Variants in FMN1 observed in about 807,000 individuals in gnomAD.
The protein encoded by FMN1 is formin-1.
In FMN1, 110 loss-of-function variants were observed where a neutral mutation model predicts 132.4. That is an observed-to-expected ratio of 0.83 (90% confidence interval 0.71 to 0.97). FMN1 has a LOEUF of 0.97. FMN1 is among the 50% of genes least tolerant of loss of function. FMN1 has a pLI of 0.00. For synonymous variants in FMN1, 722 were observed against 651.7 expected, an observed-to-expected ratio of 1.11 and a Z score of -1.64; for missense variants, 1,792 against 1,705.3, an observed-to-expected ratio of 1.05 and a Z score of -0.90.
Position 33,153,997 on chromosome 15 carries a change from T to C in FMN1, c.918A>G (p.Pro306=), listed in dbSNP as rs1964560421. 1.3e-6 allele frequency: 2 copies of C among 1,536,698 alleles called. No individual in the cohort carries two copies. Among genetic ancestry groups the C allele is most frequent in the Middle Eastern group, 1.7e-4 (1 of 5,994 alleles). The part of the protein sequence containing the change: ...SESHQDPEKH[P]EAEKDEMEKP... Reference sequence around the variant, plus strand: ...TCTCCATCTCATCCTTTTCTGCCTCTGGATGCTTCTCAGGGTCCTGGTGAC... The same window carrying C: ...TCTCCATCTCATCCTTTTCTGCCTCCGGATGCTTCTCAGGGTCCTGGTGAC... Residue 306 remains proline (P), a synonymous_variant, in exon 4 of 21, where the codon CCA becomes CCG. Coordinates refer to ENST00000616417, the MANE Select transcript of FMN1 (RefSeq NM_001277313.2).
chr15:32,838,439 G>T (rs2058674756), intron 17 of FMN1, among the ~76,000 whole-genome samples: 1 of 150,616 alleles, frequency 6.6e-6, no homozygotes, highest in African/African-American at 2.4e-5. Context: ...GGACCCTCTT[G>T]GCATTCTGGA....
At chr15:33,035,902 T>C (rs1411919901) in intron 6 of FMN1, among the ~76,000 whole-genome samples, 3 of 152,128 alleles carry the variant, frequency 2.0e-5, no homozygotes, top group East Asian at 3.9e-4. Flanking sequence ...GATTAATGGG[T>C]TAGTGGGTTA....
At chr15:32,891,151 A>C (rs2060018415) in intron 15 of FMN1, among the ~76,000 whole-genome samples, 1 of 152,164 alleles carries the variant, frequency 6.6e-6, no homozygotes, top group Non-Finnish European at 1.5e-5. Context: ...ATGGCCTTAT[A>C]GTATAGTTTG....
At chr15:32,918,107 T>TAAAAAAA (rs914678090) in intron 10 of FMN1, among the ~76,000 whole-genome samples, 1 of 149,264 alleles carries the variant, frequency 6.7e-6, no homozygotes. Context: ...AGAATTTCTT[T>TAAAAAAA]AAAAAAAAAA....
At chr15:33,051,645 A>C (rs1033333615) in intron 6 of FMN1, among the ~76,000 whole-genome samples, 1 of 152,228 alleles carries the variant, frequency 6.6e-6, no homozygotes, top group Non-Finnish European at 1.5e-5. Flanking sequence ...GCAAAACAGC[A>C]GAGTTTTTAG....
chr15:32,839,550 TTAA>T (rs2058700460), intron 17 of FMN1, among the ~76,000 whole-genome samples: 2 of 152,230 alleles, frequency 1.3e-5, no homozygotes, highest in South Asian at 2.1e-4. Context: ...CTTATGGTTG[TTAA>T]TGATGATAAG....
intron 15 of FMN1, among the ~76,000 whole-genome samples, chr15:32,894,186 A>G (rs9920451): frequency 0.23 from 34,692 of 152,088 alleles, 4,210 homozygotes; most frequent in Non-Finnish European, 0.26. Context: ...TATTACAGGC[A>G]GTAAAAAAGA....
At chr15:32,924,855 G>A (rs1016935057) in intron 10 of FMN1, among the ~76,000 whole-genome samples, 8 of 152,026 alleles carry the variant, frequency 5.3e-5, no homozygotes, top group South Asian at 2.1e-4. Context: ...CAGAGGTTGC[G>A]GTGAGCCGAG....
intron 6 of FMN1, among the ~76,000 whole-genome samples, chr15:33,039,504 G>A (rs746277559): frequency 6.6e-5 from 10 of 152,142 alleles, no homozygotes; most frequent in African/African-American, 1.9e-4. Context: ...TTTATGAAAC[G>A]TTCTGCTGGA....
chr15:32,987,447 C>T (rs1015276845), intron 7 of FMN1, among the ~76,000 whole-genome samples: 4 of 152,112 alleles, frequency 2.6e-5, no homozygotes, highest in African/African-American at 9.7e-5. Context: ...GGAATTTCAA[C>T]GTTAGACCAT....
intron 10 of FMN1, among the ~76,000 whole-genome samples, chr15:32,911,778 A>C (rs754835830): frequency 5.3e-5 from 8 of 152,200 alleles, no homozygotes; most frequent in Non-Finnish European, 1.0e-4. Context: ...GAGTCAAAGT[A>C]AGTCACCTCA....
In FMN1 at chr15:32,805,857, T is replaced by C. The variant is rs912769578; in HGVS notation, c.3929-1525A>G. 6.2e-5 allele frequency among the ~76,000 whole-genome samples: 9 copies of C among 144,864 alleles called. 1 individual carries two copies. Among genetic ancestry groups the C allele is most frequent in the South Asian group, 4.1e-4 (2 of 4,830 alleles). On this transcript the variant is annotated intron_variant, in intron 17 of 20. Coordinates refer to ENST00000616417, the MANE Select transcript of FMN1 (RefSeq NM_001277313.2). Reference sequence around the variant, plus strand: ...GCAGTCTAGGGAAGCCCATGGACTCTTGTCAGAATAATGTTTTCATAAGGT... The same window carrying C: ...GCAGTCTAGGGAAGCCCATGGACTCCTGTCAGAATAATGTTTTCATAAGGT...
chr15:32,970,507 A>G (rs1326507933), intron 7 of FMN1, among the ~76,000 whole-genome samples: 1 of 152,306 alleles, frequency 6.6e-6, no homozygotes, highest in East Asian at 1.9e-4. Flanking sequence ...GATGGATAAA[A>G]ATCACTGGGA....
chr15:33,046,088 G>A (rs1468144843), intron 6 of FMN1, among the ~76,000 whole-genome samples: 1 of 151,974 alleles, frequency 6.6e-6, no homozygotes, highest in Admixed American at 6.6e-5. Flanking sequence ...TATATAAAAT[G>A]TATATTATAT....
At chr15:33,137,199 G>A (rs570870613) in intron 4 of FMN1, among the ~76,000 whole-genome samples, 187 of 150,758 alleles carry the variant, frequency 1.2e-3, no homozygotes, top group Non-Finnish European at 2.2e-3. Flanking sequence ...AAGCAATGAA[G>A]TGTGTACCCA....
chr15:32,935,786 C>T (rs2061253673), intron 9 of FMN1, among the ~76,000 whole-genome samples: 1 of 151,984 alleles, frequency 6.6e-6, no homozygotes, highest in South Asian at 2.1e-4. Flanking sequence ...CGCCACCCCA[C>T]ACAGCTAATT....
chr15:32,971,501 T>C (rs2031789837), intron 7 of FMN1, among the ~76,000 whole-genome samples: 1 of 152,194 alleles, frequency 6.6e-6, no homozygotes, highest in South Asian at 2.1e-4. Flanking sequence ...TCGTATCATT[T>C]CCATCTTCAT....
chr15:33,079,479 T>A (rs917139389), intron 5 of FMN1, among the ~76,000 whole-genome samples: 1 of 152,110 alleles, frequency 6.6e-6, no homozygotes, highest in Non-Finnish European at 1.5e-5. Flanking sequence ...AAAAACCAGC[T>A]GGGCATGGTG....
intron 4 of FMN1, among the ~76,000 whole-genome samples, chr15:33,107,673 C>G (rs112725264): frequency 2.0e-5 from 3 of 152,086 alleles, no homozygotes; most frequent in Admixed American, 1.3e-4. Context: ...AAATATCCTT[C>G]GAGCAGAAAG....
Sources: allele counts gnomAD v4.1 joint callset (sites outside exome capture counted in the v4.1 genomes callset), GRCh38; gene constraint gnomAD v4.1.1; transcripts MANE v1.5; gene names NCBI Gene and HGNC (gene_info 2026-07-23, HGNC 2026-07-21).